Variants in THAP8 observed in about 807,000 individuals in gnomAD.
THAP8 encodes THAP domain-containing protein 8.
A neutral mutation model predicts 25.0 loss-of-function variants in THAP8; 24 were observed. The ratio of observed to expected loss-of-function variants is 0.96; its 90% CI spans 0.69 to 1.35. THAP8 has a LOEUF of 1.35. Among genes scored for constraint, THAP8 ranks in the 40% most tolerant of loss-of-function variants. THAP8 has a pLI of 0.00. For synonymous variants in THAP8, 169 were observed against 157.6 expected, an observed-to-expected ratio of 1.07 and a Z score of -0.54; for missense variants, 399 against 368.8, an observed-to-expected ratio of 1.08 and a Z score of -0.67.
chr19:36,038,562 C>A (rs1279721054), intron 3 of THAP8, among the ~76,000 whole-genome samples: 2 of 152,112 alleles, frequency 1.3e-5, no homozygotes, highest in Non-Finnish European at 2.9e-5. Flanking sequence ...AAAAATTAAC[C>A]TTGTAGCAGT....
At chr19:36,043,564 C>T (rs1464452304) in intron 1 of THAP8, among the ~76,000 whole-genome samples, 1 of 152,114 alleles carries the variant, frequency 6.6e-6, no homozygotes, top group African/African-American at 2.4e-5. Flanking sequence ...TATTTTGCCA[C>T]AGGTAAAAAT....
intron 1 of THAP8, among the ~76,000 whole-genome samples, chr19:36,040,349 G>A (rs1191165751): frequency 1.3e-5 from 2 of 152,074 alleles, no homozygotes; most frequent in African/African-American, 2.4e-5. Flanking sequence ...TTTGTGAGAC[G>A]GGGTTTCGCA....
At position 36,054,269 on chromosome 19, in the gene THAP8, C is replaced by G. The variant is rs758933684; in HGVS notation, c.-52G>C. 5 of 1,577,294 alleles carry G rather than the reference C, an allele frequency of 3.2e-6. No individual in the cohort carries two copies. The South Asian group carries it at 5.7e-5, about 18-fold the overall frequency. ...CCGGGTCAGCGGCTGCACTTTGGTT[C>G]TCGCGGAGCGCCGCCTAACCCCGCC... On this transcript the variant is annotated 5_prime_UTR_variant, in exon 1 of 4. Transcript: ENST00000292894.
chr19:36,051,886 T>G (rs903960557), intron 1 of THAP8, among the ~76,000 whole-genome samples: 1 of 152,062 alleles, frequency 6.6e-6, no homozygotes, highest in Non-Finnish European at 1.5e-5. Flanking sequence ...TCATCTGTAT[T>G]TACAGCCACT....
chr19:36,043,371 T>C (rs116855108), intron 1 of THAP8, among the ~76,000 whole-genome samples: 3,862 of 152,058 alleles, frequency 0.025, 72 homozygotes, highest in Middle Eastern at 0.041. Context: ...AGACAGACAG[T>C]GGAATGGTGG....
rs1969609824 is a variant in THAP8, at chr19:36,039,590, G to A, written c.405C>T (p.Pro135=). 6.6e-7 allele frequency: 1 copy of A among 1,512,698 alleles called. No individual in the cohort carries two copies. The highest frequency in any genetic ancestry group is 1.4e-5 in the African/African-American group (1 of 72,166). 93.7% of individuals were successfully genotyped at this position (1,512,698 alleles called of 1,614,324 possible). A position where few individuals can be genotyped will look rare whatever the true frequency, so the allele number is the denominator to read the frequency against. Residue 135 remains proline, a synonymous_variant, in exon 3 of 4, where the codon CCC becomes CCT. Transcript: ENST00000292894. ...SGPVRLVVLG[P]TSGSPKTVAT... ...CCACAGTCTTGGGGCTCCCCGATGT[G>A]GGGCCCAGCACCACTAGGCGCACTG...
At position 36,035,532 on chromosome 19, in the gene THAP8, G is replaced by A. The variant is rs764369410; in HGVS notation, c.733C>T (p.Pro245Ser). ...TGGGCAAGGACCATGGCTATGTCAGGCCCTCCACAGATGATGGTGAAGGTT... is the reference window on the plus strand; with the variant it reads ...TGGGCAAGGACCATGGCTATGTCAGACCCTCCACAGATGATGGTGAAGGTT... ...SQTFTIICGG[P>S]DIAMVLAQDP... Residue 245 changes from proline (P) to serine (S), a missense_variant, in exon 4 of 4, where the codon CCT becomes TCT. Pro to Ser is a moderately conservative substitution (Grantham distance 74). Coordinates refer to ENST00000292894, the MANE Select transcript of THAP8 (RefSeq NM_152658.3). 3 of 1,614,148 alleles carry A rather than the reference G, an allele frequency of 1.9e-6. No homozygotes were observed. Among genetic ancestry groups the A allele is most frequent in the Non-Finnish European group, 2.5e-6 (3 of 1,180,012 alleles).
intron 1 of THAP8, among the ~76,000 whole-genome samples, chr19:36,048,278 G>T (rs1969940746): frequency 6.6e-6 from 1 of 152,102 alleles, no homozygotes; most frequent in Admixed American, 6.5e-5. Flanking sequence ...GGTGATTCAT[G>T]CCTGTAATCC....
At position 36,035,612 on chromosome 19, in the gene THAP8, G is replaced by A. The variant is rs770216345; in HGVS notation, c.673-20C>T. On this transcript the variant is annotated intron_variant, in intron 3 of 3. Transcript: ENST00000292894. The stretch of plus-strand genomic sequence containing the variant: ...TGTTGTCTAAGGCAAAGAAGTGGTA[G>A]AGATGGGGAACATTACGAAGCAAGT... 6.2e-7 allele frequency: 1 copy of A among 1,607,032 alleles called. No individual in the cohort carries two copies. The highest frequency in any genetic ancestry group is 2.2e-5 in the East Asian group (1 of 44,706).
chr19:36,041,017 T>C (rs954412017), intron 1 of THAP8, among the ~76,000 whole-genome samples: 1 of 151,920 alleles, frequency 6.6e-6, no homozygotes, highest in African/African-American at 2.4e-5. Context: ...AAGATAATTG[T>C]AAGAAACTGG....
chr19:36,040,152 G>C lies in THAP8; in HGVS notation c.84-16C>G. 2 of 1,594,420 alleles carry C rather than the reference G, an allele frequency of 1.3e-6. No individual in the cohort carries two copies. The highest frequency in any genetic ancestry group is 1.3e-5 in the African/African-American group (1 of 74,786). ...CAGTGGGAACCTGCATGGGTGGTTGGGGGGCTGGGTCAGTGCTACGAGGTT... is the reference window on the plus strand; with the variant it reads ...CAGTGGGAACCTGCATGGGTGGTTGCGGGGCTGGGTCAGTGCTACGAGGTT... On this transcript the variant is annotated splice_polypyrimidine_tract_variant and intron_variant, in intron 1 of 3. Transcript: ENST00000292894.
intron 3 of THAP8, 92 bp from the exon 4 acceptor site, chr19:36,035,684 T>C (rs1433168279): frequency 6.8e-7 from 1 of 1,462,712 alleles, no homozygotes. Context: ...GAGGCAAAGG[T>C]GGCAGGAGGG....
At chr19:36,052,297 C>T (rs565463389) in intron 1 of THAP8, among the ~76,000 whole-genome samples, 50 of 152,348 alleles carry the variant, frequency 3.3e-4, no homozygotes, top group African/African-American at 1.1e-3. Flanking sequence ...CCCGCCTTGG[C>T]CTCCCAAAGT....
At chr19:36,043,062 G>C (rs1348707633) in intron 1 of THAP8, among the ~76,000 whole-genome samples, 1 of 152,198 alleles carries the variant, frequency 6.6e-6, no homozygotes, top group Admixed American at 6.5e-5. Flanking sequence ...CCAAGTAGCT[G>C]GGATTACAGG....
chr19:36,054,761 T>C (rs1288889599), upstream of THAP8: 1 of 630,714 alleles, frequency 1.6e-6, no homozygotes, highest in African/African-American at 1.8e-5. Context: ...ACACTGGCTG[T>C]GGCCCCGCCC....
At chr19:36,050,067 A>C (rs183727828) in intron 1 of THAP8, among the ~76,000 whole-genome samples, 39 of 152,126 alleles carry the variant, frequency 2.6e-4, no homozygotes, top group African/African-American at 9.2e-4. Context: ...AAAAAAAAAA[A>C]AAAAAAGATG....
intron 1 of THAP8, among the ~76,000 whole-genome samples, chr19:36,051,264 TG>T (rs777924313): frequency 9.2e-5 from 14 of 152,112 alleles, no homozygotes; most frequent in Non-Finnish European, 1.8e-4. Flanking sequence ...AGTAGGCCAG[TG>T]TCACTGGTGT....
chr19:36,047,410 G>A (rs1436820991), intron 1 of THAP8, among the ~76,000 whole-genome samples: 1 of 152,114 alleles, frequency 6.6e-6, no homozygotes, highest in Admixed American at 6.5e-5. Context: ...AACGCTTTTT[G>A]CTCTTCCTCC....
chr19:36,042,020 C>T (rs550707397), intron 1 of THAP8, among the ~76,000 whole-genome samples: 4 of 151,254 alleles, frequency 2.6e-5, no homozygotes, highest in Non-Finnish European at 4.4e-5. Context: ...GGAATTTGAA[C>T]GCTGCAGTGA....
Sources: allele counts gnomAD v4.1 joint callset (sites outside exome capture counted in the v4.1 genomes callset), GRCh38; gene constraint gnomAD v4.1.1; transcripts MANE v1.5; gene names NCBI Gene and HGNC (gene_info 2026-07-23, HGNC 2026-07-21).